The following COL11A1 variants were observed in gnomAD, a reference collection of about 807,000 sequenced individuals.
The protein encoded by COL11A1 is collagen type XI alpha 1 chain.
Under a neutral mutation model 265.2 loss-of-function variants are expected in COL11A1, and 74 were observed. The ratio of observed to expected loss-of-function variants is 0.28; its 90% CI spans 0.23 to 0.34. The LOEUF is 0.34. Ranked by LOEUF, COL11A1 falls within the 10% of genes least tolerant of loss-of-function variation. The probability of loss-of-function intolerance (pLI) is 1.00; values close to 1 mark genes in which losing one functional copy is unlikely to be tolerated. For synonymous variants in COL11A1, 816 were observed against 727.6 expected, an observed-to-expected ratio of 1.12 and a Z score of -1.96; for missense variants, 2,165 against 2,263.6, an observed-to-expected ratio of 0.96 and a Z score of 0.88.
At chr1:103,026,404 C>G in intron 5 of COL11A1, 72 bp from the exon 6 acceptor site, 1 of 974,334 alleles carries the variant, frequency 1.0e-6, no homozygotes, top group Non-Finnish European at 1.7e-6. Flanking sequence ...TGAGAACCAT[C>G]TTAACTTTTA....
chr1:102,981,475 G>T (rs377668840), intron 31 of COL11A1, among the ~76,000 whole-genome samples: 1 of 151,944 alleles, frequency 6.6e-6, no homozygotes, highest in Non-Finnish European at 1.5e-5. Flanking sequence ...TAAGCAAAGA[G>T]ATATTATGCA....
chr1:102,945,321 G>C lies in COL11A1; in HGVS notation c.3276+1528C>G, dbSNP rs565568487. Among the ~76,000 whole-genome samples the C allele has an allele frequency of 4.0e-5, 6 of 150,376 alleles. No individual in the cohort carries two copies. The South Asian group carries it at 1.3e-3, about 32-fold the overall frequency. On this transcript the variant is annotated intron_variant, in intron 42 of 66. Transcript: ENST00000370096. ...CTTTCTCCATCTACCATGGGATGAT[G>C]TGCCAAGAAGTTCTTTACCAGATGT...
intron 41 of COL11A1, among the ~76,000 whole-genome samples, chr1:102,955,168 A>G (rs1045196358): frequency 2.0e-5 from 3 of 152,184 alleles, no homozygotes; most frequent in Non-Finnish European, 4.4e-5. Flanking sequence ...ATGTCGGTAC[A>G]TGACATCCTT....
At chr1:102,883,165 T>A in intron 64 of COL11A1, 34 bp downstream of exon 64, 1 of 1,388,458 alleles carries the variant, frequency 7.2e-7, no homozygotes, top group Non-Finnish European at 1.0e-6. Context: ...GCAGGAACTG[T>A]CAACATTCAC....
chr1:102,882,544 A>C (rs1241182), intron 64 of COL11A1, among the ~76,000 whole-genome samples: 15,485 of 152,076 alleles, frequency 0.1, 894 homozygotes, highest in Middle Eastern at 0.19. Flanking sequence ...GTTTTGCCTT[A>C]AGGAGTTTCT....
intron 46 of COL11A1, among the ~76,000 whole-genome samples, chr1:102,934,227 C>T (rs1657907350): frequency 6.6e-6 from 1 of 152,126 alleles, no homozygotes; most frequent in African/African-American, 2.4e-5. Context: ...ACTCCAGAAT[C>T]AGGAGCGAGG....
chr1:103,056,959 T>A (rs1258934106), intron 4 of COL11A1, among the ~76,000 whole-genome samples: 1 of 152,188 alleles, frequency 6.6e-6, no homozygotes, highest in Non-Finnish European at 1.5e-5. Context: ...CTCACCTCTG[T>A]GTCTATAACT....
intron 7 of COL11A1, 81 bp from the exon 8 acceptor site, chr1:103,023,077 G>A (rs1667232626): frequency 6.9e-7 from 1 of 1,445,406 alleles, no homozygotes; most frequent in East Asian, 2.3e-5. Flanking sequence ...ATTACAATTT[G>A]ATAGCGTGTG....
At chr1:103,100,307 A>T (rs1021802800) in intron 1 of COL11A1, 1 of 151,940 alleles carries the variant, frequency 6.6e-6, no homozygotes, top group Non-Finnish European at 1.5e-5. Context: ...GCAATGATCT[A>T]TAAGAGTTCT....
chr1:103,017,711 A>T (rs1286306474), intron 11 of COL11A1, 109 bp downstream of exon 11: 1 of 923,668 alleles, frequency 1.1e-6, no homozygotes, highest in Middle Eastern at 3.1e-4. Flanking sequence ...TGCTGCCTTT[A>T]CCCCTCCCAC....
intron 46 of COL11A1, among the ~76,000 whole-genome samples, chr1:102,925,484 T>C (rs1446816519): frequency 3.3e-5 from 5 of 152,100 alleles, no homozygotes; most frequent in Non-Finnish European, 5.9e-5. Flanking sequence ...TACTAATTTG[T>C]AACAAAAAAT....
intron 51 of COL11A1, 101 bp from the exon 52 acceptor site, chr1:102,914,506 G>A: frequency 8.4e-7 from 1 of 1,192,982 alleles, no homozygotes; most frequent in East Asian, 2.6e-5. Context: ...GACAAAACCT[G>A]CTGAGAATAT....
intron 2 of COL11A1, 68 bp from the exon 3 acceptor site, chr1:103,078,939 G>A (rs926900127): frequency 1.1e-5 from 13 of 1,168,302 alleles, no homozygotes; most frequent in Non-Finnish European, 1.2e-5. Context: ...CTAGATCACT[G>A]TGGTATTTTT....
intron 1 of COL11A1, among the ~76,000 whole-genome samples, chr1:103,094,873 G>A (rs866345981): frequency 6.6e-6 from 1 of 151,902 alleles, no homozygotes; most frequent in Admixed American, 6.6e-5. Context: ...CAATGCACAG[G>A]GAGTTGGCTC....
At chr1:103,082,423 C>A (rs1347064014) in intron 2 of COL11A1, among the ~76,000 whole-genome samples, 2 of 151,814 alleles carry the variant, frequency 1.3e-5, no homozygotes, top group Non-Finnish European at 2.9e-5. Context: ...GGAAAGATTC[C>A]CTCCTATACC....
chr1:103,027,175 T>C (rs1232399327), intron 5 of COL11A1, among the ~76,000 whole-genome samples: 2 of 151,124 alleles, frequency 1.3e-5, no homozygotes, highest in Non-Finnish European at 3.0e-5. Flanking sequence ...AGGAGAGATA[T>C]GTTTCTTAAT....
intron 5 of COL11A1, among the ~76,000 whole-genome samples, chr1:103,030,136 G>A (rs1667853843): frequency 6.6e-6 from 1 of 151,972 alleles, no homozygotes; most frequent in South Asian, 2.1e-4. Flanking sequence ...TAAAAAGAAT[G>A]AAGTACATGA....
At chr1:102,900,321 A>G (rs75157651) in intron 54 of COL11A1, among the ~76,000 whole-genome samples, 8,349 of 152,226 alleles carry the variant, frequency 0.055, 834 homozygotes, top group African/African-American at 0.19. Flanking sequence ...ATATTTAAGC[A>G]AAAGGAATTC....
chr1:103,074,092 T>C (rs1209246242), intron 4 of COL11A1, among the ~76,000 whole-genome samples: 1 of 152,114 alleles, frequency 6.6e-6, no homozygotes, highest in Non-Finnish European at 1.5e-5. Context: ...AAGAATGTGA[T>C]TATCATAATT....
Sources: gnomAD v4.1 joint callset for allele counts (sites outside exome capture counted in the v4.1 genomes callset) on GRCh38, gnomAD v4.1.1 for gene constraint, MANE v1.5 for transcripts, NCBI Gene and HGNC (gene_info 2026-07-23, HGNC 2026-07-21) for gene names.